Variants in SCAPER observed in about 807,000 individuals in gnomAD.
The protein encoded by SCAPER is S-phase cyclin A associated protein in the ER, also known as S phase cyclin A-associated protein in the endoplasmic reticulum.
A neutral mutation model predicts 182.2 loss-of-function variants in SCAPER; 98 were observed. The observed-to-expected ratio is 0.54, with a 90% CI of 0.46 to 0.64. The LOEUF (loss-of-function observed/expected upper bound fraction) is 0.64. Ranked by LOEUF, SCAPER falls within the 30% of genes least tolerant of loss-of-function variation. The pLI is 0.00. For synonymous variants in SCAPER, 605 were observed against 564.6 expected, an observed-to-expected ratio of 1.07 and a Z score of -1.01; for missense variants, 1,432 against 1,690.0, an observed-to-expected ratio of 0.85 and a Z score of 2.68.
Position 76,655,943 on chromosome 15 carries a change from C to A in SCAPER, c.2645+9710G>T, listed in dbSNP as rs8040275. On this transcript the variant is annotated intron_variant, in intron 21 of 31. Transcript: ENST00000563290. ...AAAAGATTATCATGGCCCACAAAAACAAACAAACAAAGACACTTAAGTATG... is the reference window on the plus strand; with the variant it reads ...AAAAGATTATCATGGCCCACAAAAAAAAACAAACAAAGACACTTAAGTATG... 3.6e-3 allele frequency among the ~76,000 whole-genome samples: 548 copies of A among 152,140 alleles called. 2 individuals are homozygous for A. Among genetic ancestry groups the A allele is most frequent in the African/African-American group, 0.013 (526 of 41,516 alleles).
intron 24 of SCAPER, among the ~76,000 whole-genome samples, chr15:76,485,817 T>C (rs2051579280): frequency 6.6e-6 from 1 of 152,174 alleles, no homozygotes; most frequent in Admixed American, 6.5e-5. Flanking sequence ...GGTGCTGGGA[T>C]AACTGGCTAG....
At chr15:76,637,501 A>G (rs1173643767) in intron 21 of SCAPER, among the ~76,000 whole-genome samples, 1 of 151,882 alleles carries the variant, frequency 6.6e-6, no homozygotes, top group African/African-American at 2.4e-5. Context: ...GTTTGAGACC[A>G]GCCTGGGCAA....
At chr15:76,571,605 T>C (rs1328830013) in intron 23 of SCAPER, among the ~76,000 whole-genome samples, 4 of 152,168 alleles carry the variant, frequency 2.6e-5, no homozygotes, top group African/African-American at 7.2e-5. Flanking sequence ...TGTCAAGCGA[T>C]AGTAGAAAGC....
intron 14 of SCAPER, among the ~76,000 whole-genome samples, chr15:76,763,716 T>C (rs1490621788): frequency 6.6e-6 from 1 of 152,308 alleles, no homozygotes; most frequent in Non-Finnish European, 1.5e-5. Context: ...CTCTTGATTC[T>C]TTCTTCTGCT....
chr15:76,472,191 G>C (rs2050236595), intron 24 of SCAPER: 1 of 500,790 alleles, frequency 2.0e-6, no homozygotes, highest in Non-Finnish European at 3.9e-6. Flanking sequence ...TGCTTAACCT[G>C]CTCCTCCAAA....
intron 21 of SCAPER, among the ~76,000 whole-genome samples, chr15:76,634,243 C>G (rs940393792): frequency 6.6e-5 from 10 of 152,224 alleles, no homozygotes; most frequent in African/African-American, 2.2e-4. Context: ...TCCCTTTGCC[C>G]TATGCAGCTC....
intron 26 of SCAPER, among the ~76,000 whole-genome samples, chr15:76,415,505 C>T (rs1413227438): frequency 6.6e-6 from 1 of 151,942 alleles, no homozygotes; most frequent in Non-Finnish European, 1.5e-5. Context: ...AATTTATTCA[C>T]AGAATAGAAT....
intron 29 of SCAPER, among the ~76,000 whole-genome samples, chr15:76,362,819 A>C (rs1457852304): frequency 6.6e-6 from 1 of 152,226 alleles, no homozygotes; most frequent in Admixed American, 6.5e-5. Flanking sequence ...ATATTCAAGG[A>C]AACAGAACAG....
chr15:76,568,127 G>A (rs946021090), intron 23 of SCAPER, among the ~76,000 whole-genome samples: 4 of 149,750 alleles, frequency 2.7e-5, no homozygotes, highest in African/African-American at 1.0e-4. Context: ...TTCCCACAAC[G>A]TTTTGTGGTG....
chr15:76,483,175 G>A (rs2051287956), intron 24 of SCAPER, among the ~76,000 whole-genome samples: 2 of 151,832 alleles, frequency 1.3e-5, no homozygotes, highest in South Asian at 2.1e-4. Flanking sequence ...ACAGAATAAG[G>A]GAGACCAGAA....
intron 22 of SCAPER, among the ~76,000 whole-genome samples, chr15:76,618,919 A>C (rs2051749126): frequency 6.6e-6 from 1 of 152,204 alleles, no homozygotes; most frequent in African/African-American, 2.4e-5. Flanking sequence ...ATCTCAGCTC[A>C]CTGCAACCTC....
chr15:76,685,403 T>A (rs150992094), intron 20 of SCAPER, among the ~76,000 whole-genome samples: 24 of 152,094 alleles, frequency 1.6e-4, no homozygotes, highest in African/African-American at 5.3e-4. Flanking sequence ...ATTATTTACA[T>A]AGAAACCTCA....
chr15:76,726,700 T>C (rs1567939093), intron 17 of SCAPER, among the ~76,000 whole-genome samples: 1 of 152,058 alleles, frequency 6.6e-6, no homozygotes, highest in Non-Finnish European at 1.5e-5. Flanking sequence ...TGCTACAACA[T>C]GGATGAAACT....
chr15:76,588,158 G>GT (rs1309741491), intron 22 of SCAPER, among the ~76,000 whole-genome samples: 2 of 152,018 alleles, frequency 1.3e-5, no homozygotes, highest in African/African-American at 4.8e-5. Context: ...TCCTGACCTC[G>GT]TGATCTGCCT....
chr15:76,506,339 T>G (rs1399830538), intron 23 of SCAPER, among the ~76,000 whole-genome samples: 2 of 152,176 alleles, frequency 1.3e-5, no homozygotes, highest in East Asian at 3.8e-4. Context: ...TATTAAGCAT[T>G]GTATGCCTAT....
chr15:76,359,678 A>G (rs1453092472), intron 29 of SCAPER, among the ~76,000 whole-genome samples: 1 of 152,212 alleles, frequency 6.6e-6, no homozygotes, highest in East Asian at 1.9e-4. Context: ...AAGTCTTCCC[A>G]GGCAGAACAG....
rs1053499863 is a variant in SCAPER at position 76,733,501 on chromosome 15, C to G, written c.1867-117G>C. On this transcript the variant is annotated intron_variant, in intron 15 of 31. Transcript: ENST00000563290. ...TGGTGGTTCACGCCTGTGATCCTAG[C>G]ACTTTGGGAGGCTGAGGAAGGCGGA... 6.4e-6 allele frequency: 8 copies of G among 1,245,140 alleles called. No homozygotes were observed. The African/African-American group carries it at 1.2e-4, about 19-fold the overall frequency. The allele number at this position is 1,245,140 out of a possible 1,614,324, so 77.1% of individuals were successfully genotyped here.
chr15:76,861,584 C>G (rs1222265166), intron 3 of SCAPER, among the ~76,000 whole-genome samples: 2 of 151,954 alleles, frequency 1.3e-5, no homozygotes, highest in Non-Finnish European at 2.9e-5. Context: ...CTGCCTCTAG[C>G]CATTAAAGGG....
chr15:76,852,336 G>T (rs1263208051), intron 4 of SCAPER, among the ~76,000 whole-genome samples: 1 of 152,162 alleles, frequency 6.6e-6, no homozygotes, highest in Non-Finnish European at 1.5e-5. Context: ...GTACCAAATG[G>T]ATCTGATAGA....
Sources: gnomAD v4.1 joint callset for allele counts (sites outside exome capture counted in the v4.1 genomes callset) on GRCh38, gnomAD v4.1.1 for gene constraint, MANE v1.5 for transcripts, NCBI Gene and HGNC (gene_info 2026-07-23, HGNC 2026-07-21) for gene names.